The following TMTC2 variants were observed in gnomAD, a reference collection of about 807,000 sequenced individuals.
TMTC2 encodes protein O-mannosyl-transferase TMTC2.
A neutral mutation model predicts 82.4 loss-of-function variants in TMTC2; 43 were observed. That is an observed-to-expected ratio of 0.52 (90% CI 0.41 to 0.67). The LOEUF is 0.67. Among genes scored for constraint, TMTC2 ranks in the 30% least tolerant of loss-of-function variants. The pLI, the probability that TMTC2 is intolerant of heterozygous loss-of-function variation, is 0.00. For missense variants in TMTC2, 919 were observed against 1,012.4 expected (o/e 0.91, Z 1.25); for synonymous variants, 408 against 381.9 (o/e 1.07, Z -0.80).
intron 1 of TMTC2, among the ~76,000 whole-genome samples, chr12:82,812,106 C>T (rs1592541717): frequency 6.6e-6 from 1 of 152,230 alleles, no homozygotes; most frequent in Non-Finnish European, 1.5e-5. Context: ...GCATGAGCCA[C>T]ATTCTCTCCT....
chr12:83,133,654 T>C lies in TMTC2; in HGVS notation c.*1265T>C, dbSNP rs553803391. On this transcript the variant is annotated 3_prime_UTR_variant, in exon 12 of 12. Coordinates refer to ENST00000321196, the MANE Select transcript of TMTC2 (RefSeq NM_152588.3). ...CATTACCTGTTAGTAACTACTTCAA[T>C]GATCATTTCACAAGAAAAAGACTAT... 1.1e-4 allele frequency: 17 copies of C among 152,356 alleles called. No homozygotes were observed. The highest frequency in any genetic ancestry group is 4.1e-4 in the African/African-American group (17 of 41,578). 9.4% of individuals were successfully genotyped at this position (152,356 alleles called of 1,614,324 possible). A position where few individuals can be genotyped will look rare whatever the true frequency, so the allele number is the denominator to read the frequency against.
intron 1 of TMTC2, among the ~76,000 whole-genome samples, chr12:82,812,676 A>G (rs1868466116): frequency 6.6e-6 from 1 of 152,086 alleles, no homozygotes; most frequent in South Asian, 2.1e-4. Flanking sequence ...TATTGAAATA[A>G]TTAAACACAT....
In TMTC2 at chr12:83,132,630, G is replaced by C; in HGVS notation, c.*241G>C. The C allele has an allele frequency of 2.2e-6, 1 of 452,994 alleles. No individual in the cohort carries two copies. The highest frequency in any genetic ancestry group is 3.8e-6 in the Non-Finnish European group (1 of 260,974). 28.1% of individuals were successfully genotyped at this position (452,994 alleles called of 1,614,324 possible). A position where few individuals can be genotyped will look rare whatever the true frequency, so the allele number is the denominator to read the frequency against. On this transcript the variant is annotated 3_prime_UTR_variant, in exon 12 of 12. Coordinates refer to ENST00000321196, the MANE Select transcript of TMTC2 (RefSeq NM_152588.3). ...ATTGTTACCCATAGACTGTAAACCAGAGCACTTAAAACAGAACCTTTTGGC... is the reference window on the plus strand; with the variant it reads ...ATTGTTACCCATAGACTGTAAACCACAGCACTTAAAACAGAACCTTTTGGC...
chr12:82,789,591 GA>G (rs1308422728), intron 1 of TMTC2, among the ~76,000 whole-genome samples: 1 of 152,104 alleles, frequency 6.6e-6, no homozygotes, highest in Non-Finnish European at 1.5e-5. Context: ...CTCTCTACTG[GA>G]ATATGCAAAC....
At chr12:82,779,591 T>A (rs1877788355) in intron 1 of TMTC2, among the ~76,000 whole-genome samples, 1 of 152,160 alleles carries the variant, frequency 6.6e-6, no homozygotes, top group Admixed American at 6.5e-5. Flanking sequence ...TTAGTGTAGC[T>A]GTTAAACAAA....
intron 1 of TMTC2, among the ~76,000 whole-genome samples, chr12:82,767,711 G>GT (rs1877054546): frequency 6.6e-6 from 1 of 152,060 alleles, no homozygotes; most frequent in African/African-American, 2.4e-5. Flanking sequence ...TTCTTCATCT[G>GT]TTTTTGTCTT....
At chr12:83,028,526 G>A (rs902079192) in intron 8 of TMTC2, among the ~76,000 whole-genome samples, 5 of 152,162 alleles carry the variant, frequency 3.3e-5, no homozygotes, top group South Asian at 2.1e-4. Flanking sequence ...TGTGTTGTGT[G>A]TTCTATGAAT....
intron 1 of TMTC2, among the ~76,000 whole-genome samples, chr12:82,840,331 T>C (rs1870264908): frequency 6.6e-6 from 1 of 152,230 alleles, no homozygotes; most frequent in South Asian, 2.1e-4. Context: ...TTTAACACAG[T>C]GTGGATTTGG....
chr12:82,932,417 C>T (rs139687905), intron 4 of TMTC2, among the ~76,000 whole-genome samples: 1 of 152,098 alleles, frequency 6.6e-6, no homozygotes, highest in South Asian at 2.1e-4. Context: ...TCTACTTACT[C>T]CTCTTCTGTG....
At chr12:82,856,827 C>A (rs1386464264) in intron 1 of TMTC2, among the ~76,000 whole-genome samples, 183 bp from the exon 2 acceptor site, 1 of 152,090 alleles carries the variant, frequency 6.6e-6, no homozygotes, top group East Asian at 1.9e-4. Flanking sequence ...AGAAAAACAA[C>A]CCTCATTGTG....
chr12:82,977,324 T>C (rs1878716993), intron 7 of TMTC2, among the ~76,000 whole-genome samples: 1 of 151,922 alleles, frequency 6.6e-6, no homozygotes, highest in South Asian at 2.1e-4. Flanking sequence ...AGTTTAAGAC[T>C]TGTTTGTTCT....
rs748180026 is a variant in TMTC2, at chr12:82,876,028, CGGTGGTGGTGGTGGTGGT to C, written c.654+18471_654+18488del. ...GTAATGGTAATGGTAGTAGTGGTGG[CGGTGGTGGTGGTGGTGGT>C]GGTGGTGGTGGTGGTGGTGGTGATG... On this transcript the variant is annotated intron_variant, in intron 2 of 11. Transcript: ENST00000321196. 1.7e-4 allele frequency among the ~76,000 whole-genome samples: 14 copies of C among 83,486 alleles called. 1 individual carries two copies. Among genetic ancestry groups the C allele is most frequent in the African/African-American group, 6.7e-4 (13 of 19,268 alleles). The allele number at this position is 83,486 out of a possible 152,430, so 54.8% of individuals were successfully genotyped here.
In TMTC2 at chr12:82,896,018, A is replaced by G. The variant is rs1266720655; in HGVS notation, c.855A>G (p.Leu285=). 1.5e-5 allele frequency: 25 copies of G among 1,613,746 alleles called. No individual in the cohort carries two copies. Among genetic ancestry groups the G allele is most frequent in the Non-Finnish European group, 2.0e-5 (24 of 1,179,996 alleles). The part of the protein sequence containing the change: ...YLPTKNLWLL[L]CPDTLSFDWS... ...CAACCAAGAACCTCTGGCTGTTGCT[A>G]TGTCCAGATACCCTCAGTTTTGATT... The change falls in exon 3 of 12, where the codon CTA becomes CTG. Residue 285 remains leucine (L), a synonymous_variant. Transcript: ENST00000321196.
intron 9 of TMTC2, among the ~76,000 whole-genome samples, chr12:83,044,636 G>A (rs1434710920): frequency 6.6e-6 from 1 of 152,158 alleles, no homozygotes; most frequent in African/African-American, 2.4e-5. Context: ...AGATGATTCT[G>A]GACACATTTC....
intron 1 of TMTC2, among the ~76,000 whole-genome samples, chr12:82,761,583 C>T (rs1056901922): frequency 1.4e-4 from 21 of 152,310 alleles, no homozygotes; most frequent in African/African-American, 5.1e-4. Flanking sequence ...TTAGCCACTG[C>T]CTACTACAAG....
rs542972439 is a variant in TMTC2, at chr12:82,715,089, G to A, written c.83+27420G>A. ...GTTCGAGACCAGGCTGGCCAAGATG[G>A]TGAAACCCTGTCTCTACTAAAAATA... On this transcript the variant is annotated intron_variant, in intron 1 of 11. Transcript: ENST00000321196. 2.6e-3 allele frequency among the ~76,000 whole-genome samples: 393 copies of A among 152,170 alleles called. 1 individual carries two copies. The highest frequency in any genetic ancestry group is 9.1e-3 in the African/African-American group (377 of 41,508).
In TMTC2 at chr12:82,716,702, G is replaced by T. The variant is rs1230491732; in HGVS notation, c.83+29033G>T. ...TGCTGAGTGCCAGTTAAATGTAGGG[G>T]TGGACATACTATCAGGTGCCCGGAT... On this transcript the variant is annotated intron_variant, in intron 1 of 11. Transcript: ENST00000321196. Among the ~76,000 whole-genome samples the T allele has an allele frequency of 4.6e-5, 7 of 152,292 alleles. No individual in the cohort carries two copies. In the East Asian group the frequency reaches 1.4e-3, roughly 29 times the overall value.
At chr12:82,922,205 A>G (rs1344132230) in intron 3 of TMTC2, among the ~76,000 whole-genome samples, 1 of 152,230 alleles carries the variant, frequency 6.6e-6, no homozygotes, top group Non-Finnish European at 1.5e-5. Context: ...TTAAAAGATT[A>G]TATGAAATGA....
At chr12:82,896,970 T>C (rs1274809224) in intron 3 of TMTC2, among the ~76,000 whole-genome samples, 1 of 152,224 alleles carries the variant, frequency 6.6e-6, no homozygotes, top group Non-Finnish European at 1.5e-5. Context: ...TTTAAAATAC[T>C]GATAGGTACA....
Sources: allele counts gnomAD v4.1 joint callset (sites outside exome capture counted in the v4.1 genomes callset), GRCh38; gene constraint gnomAD v4.1.1; transcripts MANE v1.5; gene names NCBI Gene and HGNC (gene_info 2026-07-23, HGNC 2026-07-21).